The following ARHGAP19 variants were observed in gnomAD, a reference collection of about 807,000 sequenced individuals.
ARHGAP19 encodes the protein Rho GTPase activating protein 19, also known as rho GTPase-activating protein 19.
Under a neutral mutation model 60.9 loss-of-function variants are expected in ARHGAP19, and 48 were observed. The observed-to-expected ratio is 0.79, with a 90% CI of 0.62 to 1.00. The LOEUF (loss-of-function observed/expected upper bound fraction) is 1.00. ARHGAP19 is among the 50% of genes least tolerant of loss of function. ARHGAP19 has a pLI of 0.00. For synonymous variants in ARHGAP19, 209 were observed against 215.5 expected (o/e 0.97, Z 0.27); for missense variants, 562 against 597.2 (o/e 0.94, Z 0.61).
Position 97,263,419 on chromosome 10 carries a change from C to T in ARHGAP19, c.613+1G>A. 6.2e-7 allele frequency: 1 copy of T among 1,613,952 alleles called. No homozygotes were observed. Among genetic ancestry groups the T allele is most frequent in the Non-Finnish European group, 8.5e-7 (1 of 1,179,868 alleles). ...ATCTCCTTCTTACTTCCTATACTCA[C>T]CAGCGATTTTGAGGTGTGCATTGAA... On this transcript the variant is annotated splice_donor_variant, in intron 4 of 11. Transcript: ENST00000358531. LOFTEE classifies it high-confidence loss of function.
intron 1 of ARHGAP19, among the ~76,000 whole-genome samples, chr10:97,272,223 C>T (rs1439585962): frequency 6.9e-6 from 1 of 145,570 alleles, no homozygotes; most frequent in African/African-American, 2.5e-5. Flanking sequence ...GCAACTTCCA[C>T]CTCCCAGGTT....
chr10:97,270,616 A>C (rs1274896994), intron 1 of ARHGAP19: 1 of 1,548,980 alleles, frequency 6.5e-7, no homozygotes, highest in Non-Finnish European at 8.7e-7. Context: ...ATAAGTGCTG[A>C]AAGTTTCTGA....
chr10:97,265,702 T>C (rs1012737551), intron 2 of ARHGAP19, 158 bp downstream of exon 2: 3 of 754,490 alleles, frequency 4.0e-6, no homozygotes, highest in Admixed American at 5.6e-5. Flanking sequence ...TTATAATTTG[T>C]ATTACTATTA....
chr10:97,232,288 T>A (rs1056486315), intron 9 of ARHGAP19, among the ~76,000 whole-genome samples: 2 of 150,254 alleles, frequency 1.3e-5, no homozygotes, highest in African/African-American at 2.4e-5. Flanking sequence ...CTCAGCCTCC[T>A]GAGTAGCTGG....
intron 1 of ARHGAP19, among the ~76,000 whole-genome samples, chr10:97,283,748 A>T (rs377071262): frequency 2.0e-4 from 30 of 149,582 alleles, no homozygotes; most frequent in Middle Eastern, 6.9e-3. Flanking sequence ...TAATCCCAGC[A>T]CTTTGGGTTG....
intron 8 of ARHGAP19, among the ~76,000 whole-genome samples, chr10:97,236,070 G>A (rs1466703309): frequency 6.6e-6 from 1 of 152,142 alleles, no homozygotes; most frequent in Non-Finnish European, 1.5e-5. Context: ...CCGCCTCCCA[G>A]GTTCAAGCAA....
intron 11 of ARHGAP19, among the ~76,000 whole-genome samples, chr10:97,227,820 A>G (rs1850925934): frequency 6.6e-6 from 1 of 152,236 alleles, no homozygotes; most frequent in Non-Finnish European, 1.5e-5. Context: ...CACAGATGAC[A>G]AGGTCAACAA....
chr10:97,237,281 A>AC (rs1842397497), intron 8 of ARHGAP19, among the ~76,000 whole-genome samples: 1 of 151,498 alleles, frequency 6.6e-6, no homozygotes, highest in Non-Finnish European at 1.5e-5. Flanking sequence ...AAAAAAAAAA[A>AC]ACTCAGTCTA....
intron 6 of ARHGAP19, among the ~76,000 whole-genome samples, chr10:97,249,991 A>G (rs1395124256): frequency 6.6e-6 from 1 of 151,894 alleles, no homozygotes; most frequent in Admixed American, 6.6e-5. Flanking sequence ...TCACCGTGTT[A>G]GCCAGGATGG....
chr10:97,291,156 G>C (rs892657144), intron 1 of ARHGAP19, among the ~76,000 whole-genome samples: 1 of 152,086 alleles, frequency 6.6e-6, no homozygotes, highest in Non-Finnish European at 1.5e-5. Flanking sequence ...CAAGGATCAG[G>C]ATATAAACCC....
intron 8 of ARHGAP19, among the ~76,000 whole-genome samples, chr10:97,237,263 CAAAA>C (rs367997995): frequency 8.4e-6 from 1 of 119,060 alleles, no homozygotes; most frequent in Non-Finnish European, 1.7e-5. Context: ...GACCTTGTCT[CAAAA>C]AAAAAAAAAA....
At chr10:97,258,407 G>A (rs558327337) in intron 5 of ARHGAP19, among the ~76,000 whole-genome samples, 1 of 152,158 alleles carries the variant, frequency 6.6e-6, no homozygotes, top group South Asian at 2.1e-4. Context: ...AGTGGCTCAC[G>A]CCTGTAGTCC....
chr10:97,284,246 T>C (rs1035554315), intron 1 of ARHGAP19, among the ~76,000 whole-genome samples: 1 of 151,958 alleles, frequency 6.6e-6, no homozygotes, highest in East Asian at 1.9e-4. Context: ...CCTCAGCCTC[T>C]TAAGTAGCTG....
chr10:97,251,385 AGGGG>A (rs1564718102), intron 6 of ARHGAP19, among the ~76,000 whole-genome samples: 1 of 12,626 alleles, frequency 7.9e-5, no homozygotes. Flanking sequence ...ATGGAAGGGA[AGGGG>A]AAGGGAAGGG....
intron 11 of ARHGAP19, among the ~76,000 whole-genome samples, chr10:97,228,121 G>GA (rs759759157): frequency 6.6e-6 from 1 of 152,210 alleles, no homozygotes; most frequent in Non-Finnish European, 1.5e-5. Context: ...GGAAAGAAAA[G>GA]AGAGTTTAGA....
intron 10 of ARHGAP19, 78 bp downstream of exon 10, chr10:97,229,686 C>T: frequency 6.6e-6 from 7 of 1,059,714 alleles, no homozygotes; most frequent in Non-Finnish European, 8.4e-6. Context: ...CACAGTAAAA[C>T]AGATGACAGT....
chr10:97,270,776 G>A, intron 1 of ARHGAP19: 2 of 1,029,010 alleles, frequency 1.9e-6, no homozygotes, highest in East Asian at 2.7e-5. Context: ...CTGAAAGGCA[G>A]TACTTAGGAC....
intron 1 of ARHGAP19, among the ~76,000 whole-genome samples, chr10:97,284,357 A>G (rs1368487489): frequency 6.6e-6 from 1 of 152,050 alleles, no homozygotes; most frequent in African/African-American, 2.4e-5. Flanking sequence ...TACTGACCTC[A>G]AGTGTTCTGC....
chr10:97,283,936 T>C lies in ARHGAP19; in HGVS notation c.56+8636A>G, dbSNP rs528416446. ...TTTTCTACATATTTTTCTTTCCTTT[T>C]TTTTTCTTTTTTTTAGAGACAGGGT... On this transcript the variant is annotated intron_variant, in intron 1 of 11. Transcript: ENST00000358531. Among the ~76,000 whole-genome samples, 678 of 151,964 alleles carry C rather than the reference T, an allele frequency of 4.5e-3. 1 individual carries two copies. Among genetic ancestry groups the C allele is most frequent in the Non-Finnish European group, 7.6e-3 (517 of 67,970 alleles).
Sources: gnomAD v4.1 joint callset for allele counts (sites outside exome capture counted in the v4.1 genomes callset) on GRCh38, gnomAD v4.1.1 for gene constraint, MANE v1.5 for transcripts, NCBI Gene and HGNC (gene_info 2026-07-23, HGNC 2026-07-21) for gene names.